Variants in RIC8B observed in about 807,000 individuals in gnomAD.
RIC8B encodes RIC8 guanine nucleotide exchange factor B.
RIC8B carries 16 observed loss-of-function variants against 57.5 expected under a neutral mutation model. That is an observed-to-expected ratio of 0.28 (90% CI 0.19 to 0.42). The LOEUF (loss-of-function observed/expected upper bound fraction) is 0.42, where lower values mean the gene tolerates loss of function less well. Among genes scored for constraint, RIC8B ranks in the 10% least tolerant of loss-of-function variants. The pLI is 1.00. For missense variants in RIC8B, 481 were observed against 677.0 expected (o/e 0.71, Z 3.21); for synonymous variants, 216 against 250.8 (o/e 0.86, Z 1.31).
At chr12:106,786,793 GA>G (rs915158264) in intron 2 of RIC8B, among the ~76,000 whole-genome samples, 85 of 141,130 alleles carry the variant, frequency 6.0e-4, no homozygotes, top group East Asian at 8.1e-4. Context: ...ATGAGAGAGT[GA>G]AAAAAAAAAA....
intron 4 of RIC8B, among the ~76,000 whole-genome samples, chr12:106,836,202 C>A (rs556964147): frequency 6.6e-6 from 1 of 152,342 alleles, no homozygotes; most frequent in Admixed American, 6.5e-5. Context: ...AATTCTTTGT[C>A]TACTCCTCAG....
intron 4 of RIC8B, among the ~76,000 whole-genome samples, chr12:106,840,968 C>T (rs990451486): frequency 2.0e-5 from 3 of 152,084 alleles, no homozygotes; most frequent in African/African-American, 7.2e-5. Flanking sequence ...TTATTTCCCC[C>T]CTTTTATTCT....
At position 106,851,562 on chromosome 12, in the gene RIC8B, C is replaced by T; in HGVS notation, c.1274C>T (p.Ala425Val). ...HVDLGVKQIA[A>V]EFLFVLCKER... ...GACCTTGGAGTCAAGCAAATTGCTG[C>T]TGAATTCCTTTTTGTCCTTTGCAAA... The change falls in exon 7 of 10, where the codon GCT becomes GTT. Residue 425 changes from alanine to valine, a missense_variant. Ala to Val is a moderately conservative substitution (Grantham distance 64). Around this residue, in one of 3 missense-constraint regions of RIC8B, gnomAD observed 421 missense variants for 560.9 expected, o/e 0.75. Coordinates refer to ENST00000392837, the MANE Select transcript of RIC8B (RefSeq NM_001330145.2). The T allele has an allele frequency of 6.2e-7, 1 of 1,612,968 alleles. No homozygotes were observed. The highest frequency in any genetic ancestry group is 8.5e-7 in the Non-Finnish European group (1 of 1,179,906).
intron 7 of RIC8B, among the ~76,000 whole-genome samples, chr12:106,854,128 C>T (rs771294686): frequency 4.6e-5 from 7 of 152,100 alleles, no homozygotes; most frequent in Non-Finnish European, 8.8e-5. Flanking sequence ...CTGATGGTTA[C>T]CATCAAGGAA....
Position 106,870,690 on chromosome 12 carries a change from C to T in RIC8B, c.1452-133C>T, listed in dbSNP as rs566343849. 6 of 587,946 alleles carry T rather than the reference C, an allele frequency of 1.0e-5. No individual in the cohort carries two copies. The South Asian group carries it at 2.7e-4, about 26-fold the overall frequency. The allele number at this position is 587,946 out of a possible 1,614,324, so 36.4% of individuals were successfully genotyped here. A position where few individuals can be genotyped will look rare whatever the true frequency, so the allele number is the denominator to read the frequency against. On this transcript the variant is annotated intron_variant, in intron 8 of 9. Transcript: ENST00000392837. ...TAAAAATTCCTATATCAGTTCTATA[C>T]CATAAAATTGAAATTATTGCCAATT...
rs529092830 is a variant in RIC8B, at chr12:106,887,202, T to C, written c.*1187T>C. ...TATGTATATACACACGTACATACAT[T>C]CATATATATACATATATACATAATG... On this transcript the variant is annotated 3_prime_UTR_variant, in exon 10 of 10. Coordinates refer to ENST00000392837, the MANE Select transcript of RIC8B (RefSeq NM_001330145.2). 6 of 152,700 alleles carry C rather than the reference T, an allele frequency of 3.9e-5. No homozygotes were observed. The East Asian group carries it at 1.2e-3, about 29-fold the overall frequency. The allele number at this position is 152,700 out of a possible 1,614,324, so 9.5% of individuals were successfully genotyped here.
At chr12:106,786,569 G>A (rs1162757933) in intron 2 of RIC8B, among the ~76,000 whole-genome samples, 10 of 152,126 alleles carry the variant, frequency 6.6e-5, no homozygotes, top group African/African-American at 1.2e-4. Flanking sequence ...TTACAGATAC[G>A]TTTTACTCTT....
chr12:106,819,333 T>A (rs920352912), intron 3 of RIC8B, among the ~76,000 whole-genome samples: 1 of 152,156 alleles, frequency 6.6e-6, no homozygotes, highest in African/African-American at 2.4e-5. Context: ...TAAATATAGG[T>A]TGTAATTAAG....
chr12:106,863,633 G>A (rs1036101512), intron 8 of RIC8B, among the ~76,000 whole-genome samples: 1 of 152,058 alleles, frequency 6.6e-6, no homozygotes, highest in African/African-American at 2.4e-5. Flanking sequence ...AATTTGGGCT[G>A]TGATGATGTA....
chr12:106,825,507 A>G (rs568222404), intron 3 of RIC8B, among the ~76,000 whole-genome samples: 1 of 152,350 alleles, frequency 6.6e-6, no homozygotes, highest in East Asian at 1.9e-4. Flanking sequence ...AAGGTAAATG[A>G]GAGTGGCTAG....
At chr12:106,774,871 G>C (rs888768266) in intron 1 of RIC8B, 42 bp downstream of exon 1, 4 of 1,461,974 alleles carry the variant, frequency 2.7e-6, no homozygotes, top group Non-Finnish European at 3.7e-6. Flanking sequence ...CGCACCCCCG[G>C]GCCGCCCTCC....
At chr12:106,840,005 C>T (rs1423652311) in intron 4 of RIC8B, among the ~76,000 whole-genome samples, 2 of 152,036 alleles carry the variant, frequency 1.3e-5, no homozygotes, top group Admixed American at 1.3e-4. Context: ...GCAAGAGACT[C>T]TATCTCAAAA....
intron 2 of RIC8B, among the ~76,000 whole-genome samples, chr12:106,807,391 G>T (rs1202256774): frequency 6.6e-6 from 1 of 152,178 alleles, no homozygotes; most frequent in Non-Finnish European, 1.5e-5. Context: ...TTATTCAGGG[G>T]CCTGTTTCCT....
chr12:106,832,980 G>T (rs1160303006), intron 4 of RIC8B, among the ~76,000 whole-genome samples: 1 of 151,906 alleles, frequency 6.6e-6, no homozygotes, highest in Non-Finnish European at 1.5e-5. Flanking sequence ...TATGTGACAT[G>T]CTGAGATCTA....
intron 2 of RIC8B, among the ~76,000 whole-genome samples, chr12:106,798,582 C>T (rs1295925445): frequency 1.3e-5 from 2 of 151,736 alleles, no homozygotes; most frequent in Admixed American, 6.6e-5. Flanking sequence ...TGAATACTTT[C>T]GGTAATGGAA....
chr12:106,814,316 A>C (rs1412079776), intron 2 of RIC8B, among the ~76,000 whole-genome samples: 1 of 152,216 alleles, frequency 6.6e-6, no homozygotes, highest in African/African-American at 2.4e-5. Flanking sequence ...TCTTAGCTAA[A>C]GGGGGTTCAA....
intron 6 of RIC8B, among the ~76,000 whole-genome samples, chr12:106,848,723 A>G (rs1949320920): frequency 6.6e-6 from 1 of 152,156 alleles, no homozygotes; most frequent in African/African-American, 2.4e-5. Context: ...TGAGATGGAA[A>G]ACTGATGAGG....
intron 4 of RIC8B, among the ~76,000 whole-genome samples, chr12:106,826,251 A>G (rs920192091): frequency 7.9e-5 from 12 of 152,266 alleles, no homozygotes; most frequent in Admixed American, 3.9e-4. Flanking sequence ...AAACTGATGC[A>G]TAGAAAGATC....
At chr12:106,790,408 C>A (rs772208495) in intron 2 of RIC8B, among the ~76,000 whole-genome samples, 1 of 152,160 alleles carries the variant, frequency 6.6e-6, no homozygotes, top group African/African-American at 2.4e-5. Context: ...TCAGATACAA[C>A]GGCTAATGTT....
Sources: allele counts gnomAD v4.1 joint callset (sites outside exome capture counted in the v4.1 genomes callset), GRCh38; gene constraint gnomAD v4.1.1; regional missense constraint gnomAD v4.1.1; transcripts MANE v1.5; gene names NCBI Gene and HGNC (gene_info 2026-07-23, HGNC 2026-07-21).